The following ZNF730 variants were observed in gnomAD, a reference collection of about 807,000 sequenced individuals.
ZNF730 encodes zinc finger protein 730.
A neutral mutation model predicts 12.6 loss-of-function variants in ZNF730; 12 were observed. The observed-to-expected ratio is 0.95, with a 90% CI of 0.61 to 1.54. The LOEUF (loss-of-function observed/expected upper bound fraction) is 1.54. Ranked by LOEUF, ZNF730 falls within the 40% of genes most tolerant of loss-of-function variation. ZNF730 has a pLI of 0.00. For synonymous variants in ZNF730, 194 were observed against 195.8 expected, an observed-to-expected ratio of 0.99 and a Z score of 0.08; for missense variants, 643 against 583.5, an observed-to-expected ratio of 1.10 and a Z score of -1.05.
chr19:23,139,857 CA>C (rs1448008222), intron 3 of ZNF730, among the ~76,000 whole-genome samples: 1 of 152,108 alleles, frequency 6.6e-6, no homozygotes, highest in African/African-American at 2.4e-5. Context: ...ATCAACGTTG[CA>C]TACCAGATTT....
intron 1 of ZNF730, among the ~76,000 whole-genome samples, chr19:23,104,489 A>C (rs1970369940): frequency 1.3e-5 from 2 of 152,102 alleles, no homozygotes; most frequent in South Asian, 4.1e-4. Context: ...TTTAACTACT[A>C]TTTATGGCCT....
intron 1 of ZNF730, among the ~76,000 whole-genome samples, chr19:23,079,306 C>T (rs1969923498): frequency 1.3e-5 from 2 of 152,034 alleles, no homozygotes; most frequent in Non-Finnish European, 2.9e-5. Flanking sequence ...TACAGGCATG[C>T]GCCACCACGC....
intron 1 of ZNF730, among the ~76,000 whole-genome samples, chr19:23,080,678 C>T (rs1382203947): frequency 6.6e-6 from 1 of 151,234 alleles, no homozygotes; most frequent in Non-Finnish European, 1.5e-5. Context: ...CCTGGCTATG[C>T]TCTTACTTTT....
intron 1 of ZNF730, among the ~76,000 whole-genome samples, chr19:23,090,549 A>AT (rs773631669): frequency 1.3e-5 from 2 of 152,140 alleles, no homozygotes; most frequent in Non-Finnish European, 2.9e-5. Context: ...AGAAAACCCC[A>AT]TTTTTTGAGG....
intron 1 of ZNF730, among the ~76,000 whole-genome samples, chr19:23,094,356 CTCTATCTA>C (rs78556330): frequency 1.1e-3 from 159 of 148,850 alleles, no homozygotes; most frequent in Admixed American, 2.0e-3. Flanking sequence ...CCATGCCTGG[CTCTATCTA>C]TCTATCTATC....
chr19:23,133,330 TTTTTTGTTTTTTTTTTG>T (rs1310502205), intron 1 of ZNF730, among the ~76,000 whole-genome samples: 1 of 151,172 alleles, frequency 6.6e-6, no homozygotes, highest in East Asian at 1.9e-4. Flanking sequence ...ATCTTGTGTT[TTTTTTGTTTTTTTTTTG>T]TTTTTGTTTT....
intron 1 of ZNF730, among the ~76,000 whole-genome samples, 162 bp downstream of exon 1, chr19:23,117,338 G>A (rs576341366): frequency 3.3e-5 from 5 of 152,138 alleles, no homozygotes; most frequent in South Asian, 4.1e-4. Context: ...ATACGATGGC[G>A]GCCGCGCTGA....
chr19:23,108,812 C>T (rs1035569447), intron 1 of ZNF730, among the ~76,000 whole-genome samples: 14 of 151,884 alleles, frequency 9.2e-5, no homozygotes, highest in African/African-American at 2.9e-4. Context: ...CACGGTGGTG[C>T]GATCTTGGCT....
chr19:23,106,744 C>T (rs984215936), intron 1 of ZNF730, among the ~76,000 whole-genome samples: 1 of 148,240 alleles, frequency 6.7e-6, no homozygotes, highest in African/African-American at 2.5e-5. Flanking sequence ...GAGCCAAGAT[C>T]GTGCCATTGC....
chr19:23,117,629 T>C (rs545987805), intron 1 of ZNF730, among the ~76,000 whole-genome samples: 1 of 152,356 alleles, frequency 6.6e-6, no homozygotes, highest in Non-Finnish European at 1.5e-5. Flanking sequence ...TCTAAAATTG[T>C]AGAGCACCCA....
intron 3 of ZNF730, chr19:23,143,758 T>C (rs567037238): frequency 4.6e-5 from 7 of 152,286 alleles, no homozygotes; most frequent in African/African-American, 1.7e-4. Flanking sequence ...CATCACACAG[T>C]TTCTTTCCGG....
chr19:23,145,798 G>A lies in ZNF730; in HGVS notation c.754G>A (p.Gly252Arg), dbSNP rs761559523. The A allele has an allele frequency of 5.2e-5, 82 of 1,588,102 alleles. No individual in the cohort carries two copies. The highest frequency in any genetic ancestry group is 1.7e-4 in the Middle Eastern group (1 of 6,012). Residue 252 changes from glycine to arginine, a missense_variant, in exon 4 of 4, where the codon GGA becomes AGA. Transcript: ENST00000597761. Reference sequence around the variant, plus strand: ...TACTACACATAAGAGAATTCATACTGGAGAAAAACCCTACCAATGTGAGAA... The same window carrying A: ...TACTACACATAAGAGAATTCATACTAGAGAAAAACCCTACCAATGTGAGAA... ...HFTTHKRIHT[G>R]EKPYQCEKCG...
At chr19:23,085,836 C>CTTTTTTTTTTTTCTT (rs1970052674) in intron 1 of ZNF730, among the ~76,000 whole-genome samples, 3 of 54,806 alleles carry the variant, frequency 5.5e-5, no homozygotes, top group African/African-American at 2.5e-4. Context: ...ATTTTTTTTT[C>CTTTTTTTTTTTTCTT]TTTTTTTTTT....
Position 23,119,992 on chromosome 19 carries a change from C to CTTTT in ZNF730, c.3+2831_3+2834dup, listed in dbSNP as rs539722897. Among the ~76,000 whole-genome samples, 216 of 132,462 alleles carry CTTTT rather than the reference C, an allele frequency of 1.6e-3. 1 individual carries two copies. Among genetic ancestry groups the CTTTT allele is most frequent in the Non-Finnish European group, 2.1e-3 (128 of 61,036 alleles). 86.9% of individuals were successfully genotyped at this position (132,462 alleles called of 152,430 possible). ...GTCTGGTCCTGGACTCACTTTCTTT[C>CTTTT]TTTTTTTTTTTTTTTTTTCTCAGGC... On this transcript the variant is annotated intron_variant, in intron 1 of 3. Transcript: ENST00000597761.
chr19:23,104,953 C>A (rs571526164), intron 1 of ZNF730, among the ~76,000 whole-genome samples: 146 of 152,238 alleles, frequency 9.6e-4, no homozygotes, highest in African/African-American at 3.5e-3. Flanking sequence ...TGGCTGTGCT[C>A]AGCTTTAGAA....
chr19:23,101,764 T>C (rs550078734), intron 1 of ZNF730, among the ~76,000 whole-genome samples: 1 of 152,214 alleles, frequency 6.6e-6, no homozygotes, highest in East Asian at 1.9e-4. Context: ...GAGACGGGGT[T>C]TCACCATGTT....
At chr19:23,109,972 AT>A (rs1014938398) in intron 1 of ZNF730, among the ~76,000 whole-genome samples, 33 of 147,936 alleles carry the variant, frequency 2.2e-4, no homozygotes, top group Admixed American at 4.0e-4. Flanking sequence ...CTTTATAACC[AT>A]TTTTTTTTTT....
At chr19:23,096,676 T>C (rs1444221085) in intron 1 of ZNF730, among the ~76,000 whole-genome samples, 3 of 152,150 alleles carry the variant, frequency 2.0e-5, no homozygotes, top group Non-Finnish European at 4.4e-5. Flanking sequence ...TTAGGTGATG[T>C]GACCCTTTTG....
At chr19:23,131,781 G>A (rs1970745824) in intron 1 of ZNF730, among the ~76,000 whole-genome samples, 1 of 152,154 alleles carries the variant, frequency 6.6e-6, no homozygotes, top group Non-Finnish European at 1.5e-5. Flanking sequence ...TCATAGAGTA[G>A]GGCCAAAATT....
Sources: gnomAD v4.1 joint callset for allele counts (sites outside exome capture counted in the v4.1 genomes callset) on GRCh38, gnomAD v4.1.1 for gene constraint, MANE v1.5 for transcripts, NCBI Gene and HGNC (gene_info 2026-07-23, HGNC 2026-07-21) for gene names.